The following MCTP1 variants were observed in gnomAD, a reference collection of about 807,000 sequenced individuals.
MCTP1 encodes multiple C2 and transmembrane domain containing 1, also known as multiple C2 and transmembrane domain-containing protein 1.
A neutral mutation model predicts 120.6 loss-of-function variants in MCTP1; 69 were observed. The ratio of observed to expected loss-of-function variants is 0.57; its 90% CI spans 0.47 to 0.70. MCTP1 has a LOEUF of 0.70. Among genes scored for constraint, MCTP1 ranks in the 30% least tolerant of loss-of-function variants. MCTP1 has a pLI of 0.00. For synonymous variants in MCTP1, 529 were observed against 493.1 expected (o/e 1.07, Z -0.96); for missense variants, 1,203 against 1,248.8 (o/e 0.96, Z 0.55).
rs113109142 is a variant in MCTP1, at chr5:95,250,709, G to A, written c.720+33147C>T. On this transcript the variant is annotated intron_variant, in intron 1 of 22. Transcript: ENST00000515393. ...ACAATTTAAACAGAATAACTTATGT[G>A]AAATGCCTAGAACAATACTTAGCAC... is the stretch of plus-strand genomic sequence containing the variant. Among the ~76,000 whole-genome samples the A allele has an allele frequency of 7.2e-3, 1,092 of 152,214 alleles. 9 individuals carry two copies. The highest frequency in any genetic ancestry group is 0.025 in the African/African-American group (1,037 of 41,544).
chr5:94,870,781 G>T, intron 15 of MCTP1, 91 bp downstream of exon 15: 1 of 937,188 alleles, frequency 1.1e-6, no homozygotes, highest in Non-Finnish European at 1.7e-6. Context: ...GAGAAAATGA[G>T]GAATGACAGA....
intron 18 of MCTP1, among the ~76,000 whole-genome samples, chr5:94,784,179 T>C (rs1777140910): frequency 6.6e-6 from 1 of 152,120 alleles, no homozygotes; most frequent in Admixed American, 6.6e-5. Flanking sequence ...TTGGATACGT[T>C]GCAAACTAAA....
intron 1 of MCTP1, among the ~76,000 whole-genome samples, chr5:95,054,871 G>A (rs1033918821): frequency 6.6e-6 from 1 of 152,030 alleles, no homozygotes; most frequent in Admixed American, 6.6e-5. Context: ...GCAATCTCAG[G>A]ATCTCAGCTC....
intron 1 of MCTP1, among the ~76,000 whole-genome samples, chr5:95,031,682 C>T (rs575821824): frequency 3.9e-5 from 6 of 152,070 alleles, no homozygotes; most frequent in Non-Finnish European, 8.8e-5. Flanking sequence ...ATCATAAAAA[C>T]ACAGTTAAGT....
chr5:95,033,559 G>A (rs776849070), intron 1 of MCTP1, among the ~76,000 whole-genome samples: 2 of 151,924 alleles, frequency 1.3e-5, no homozygotes, highest in Admixed American at 1.3e-4. Context: ...AACAAACCAG[G>A]CATTGAGGAA....
chr5:95,118,363 C>A (rs1192206170), intron 1 of MCTP1, among the ~76,000 whole-genome samples: 2 of 151,040 alleles, frequency 1.3e-5, no homozygotes, highest in African/African-American at 4.9e-5. Context: ...CTTATGGTAA[C>A]CTCAAATCAA....
chr5:94,718,692 A>G (rs115511395), intron 19 of MCTP1, among the ~76,000 whole-genome samples: 1,987 of 152,336 alleles, frequency 0.013, 23 homozygotes, highest in Middle Eastern at 0.027. Flanking sequence ...GGCAAAAGAC[A>G]TGAACAGACA....
At chr5:94,845,902 C>T (rs889121912) in intron 17 of MCTP1, among the ~76,000 whole-genome samples, 1 of 152,110 alleles carries the variant, frequency 6.6e-6, no homozygotes, top group African/African-American at 2.4e-5. Flanking sequence ...TGAGAAAATG[C>T]TCAACATCAC....
chr5:95,239,219 C>T (rs1052391274), intron 1 of MCTP1, among the ~76,000 whole-genome samples: 15 of 152,088 alleles, frequency 9.9e-5, no homozygotes, highest in African/African-American at 2.7e-4. Flanking sequence ...CCTGAAGACG[C>T]GCAGAAACAG....
At chr5:94,989,445 A>G (rs546957585) in intron 2 of MCTP1, among the ~76,000 whole-genome samples, 2 of 152,348 alleles carry the variant, frequency 1.3e-5, no homozygotes, top group South Asian at 4.1e-4. Flanking sequence ...AGGAAGAGAC[A>G]AAATAAGAAA....
At chr5:94,966,104 TA>T (rs1431657132) in intron 2 of MCTP1, among the ~76,000 whole-genome samples, 2 of 152,276 alleles carry the variant, frequency 1.3e-5, no homozygotes, top group Non-Finnish European at 2.9e-5. Context: ...CATATATTAT[TA>T]ATATCAATCT....
chr5:95,285,082 A>G lies in MCTP1; in HGVS notation c.-507T>C, dbSNP rs1474109344. Among the ~76,000 whole-genome samples the G allele has an allele frequency of 6.6e-6, 1 of 152,036 alleles. No individual in the cohort carries two copies. The highest frequency in any genetic ancestry group is 1.5e-5 in the Non-Finnish European group (1 of 67,982). On this transcript the variant is annotated 5_prime_UTR_variant, in exon 1 of 23. Transcript: ENST00000515393. ...ATTGGGCGCGCACGCGGCTCACACA[A>G]CAAGGCGCGTCTGGCTGGAGACTCC...
At chr5:94,722,195 CAT>C (rs1202074423) in intron 19 of MCTP1, among the ~76,000 whole-genome samples, 3 of 152,192 alleles carry the variant, frequency 2.0e-5, no homozygotes, top group Non-Finnish European at 4.4e-5. Flanking sequence ...GCATACCTTA[CAT>C]ATTCGAAGAA....
intron 1 of MCTP1, among the ~76,000 whole-genome samples, chr5:95,121,968 CCTAT>C (rs2152409327): frequency 6.7e-6 from 1 of 149,412 alleles, no homozygotes. Flanking sequence ...AAACTGTACT[CCTAT>C]CTCTCACCAT....
intron 1 of MCTP1, among the ~76,000 whole-genome samples, chr5:95,032,849 C>A (rs1233274569): frequency 2.0e-5 from 3 of 151,764 alleles, no homozygotes; most frequent in Non-Finnish European, 4.4e-5. Context: ...GCTAGATTAA[C>A]CAAGAAAAAA....
chr5:94,779,195 C>A (rs772971792), intron 18 of MCTP1, 32 bp from the exon 19 acceptor site: 2 of 1,591,714 alleles, frequency 1.3e-6, no homozygotes, highest in Admixed American at 1.7e-5. Flanking sequence ...GTTTTTTGTG[C>A]TCTTAAAGGA....
intron 17 of MCTP1, among the ~76,000 whole-genome samples, chr5:94,819,455 T>A (rs984636636): frequency 3.3e-5 from 5 of 152,108 alleles, no homozygotes; most frequent in Non-Finnish European, 7.4e-5. Flanking sequence ...TTATACTCCT[T>A]GTCTCTGATT....
chr5:94,847,682 G>GTGTGTGTATATATATATATA (rs1169588105), intron 17 of MCTP1, among the ~76,000 whole-genome samples: 29 of 102,398 alleles, frequency 2.8e-4, no homozygotes, highest in African/African-American at 1.1e-3. Flanking sequence ...GTGTGTGTGT[G>GTGTGTGTATATATATATATA]TATATATATA....
chr5:94,853,902 C>T (rs1417054116), intron 17 of MCTP1, among the ~76,000 whole-genome samples: 1 of 151,826 alleles, frequency 6.6e-6, no homozygotes, highest in Non-Finnish European at 1.5e-5. Flanking sequence ...ATCTAGCTGA[C>T]AGCCTGAAAG....
Sources: allele counts gnomAD v4.1 joint callset (sites outside exome capture counted in the v4.1 genomes callset), GRCh38; gene constraint gnomAD v4.1.1; transcripts MANE v1.5; gene names NCBI Gene and HGNC (gene_info 2026-07-23, HGNC 2026-07-21).